ERBB4: variants seen among roughly 807,000 people sequenced by gnomAD.
ERBB4 encodes the protein receptor tyrosine-protein kinase erbB-4.
A neutral mutation model predicts 158.0 loss-of-function variants in ERBB4; 42 were observed. That is an observed-to-expected ratio of 0.27 (90% CI 0.21 to 0.34). ERBB4 has a LOEUF of 0.34. ERBB4 is among the 10% of genes least tolerant of loss of function. ERBB4 has a pLI of 1.00. For missense variants in ERBB4, 1,333 were observed against 1,624.1 expected (o/e 0.82, Z 3.08); for synonymous variants, 583 against 558.7 (o/e 1.04, Z -0.61).
intron 12 of ERBB4, among the ~76,000 whole-genome samples, chr2:211,682,888 A>G (rs2072410789): frequency 6.6e-6 from 1 of 151,898 alleles, no homozygotes; most frequent in African/African-American, 2.4e-5. Flanking sequence ...TAATTGAAAT[A>G]ATTAAGTTGA....
intron 2 of ERBB4, among the ~76,000 whole-genome samples, chr2:211,966,149 G>C (rs1453418077): frequency 2.0e-5 from 3 of 152,192 alleles, no homozygotes; most frequent in Non-Finnish European, 2.9e-5. Context: ...AAGAGATTAA[G>C]ACTGCAGTGA....
At chr2:212,280,640 A>G (rs2106147841) in intron 1 of ERBB4, among the ~76,000 whole-genome samples, 1 of 151,760 alleles carries the variant, frequency 6.6e-6, no homozygotes, top group African/African-American at 2.4e-5. Flanking sequence ...GAAGTAGGCA[A>G]CATTTTTTAT....
intron 20 of ERBB4, among the ~76,000 whole-genome samples, chr2:211,482,277 A>C (rs1185524013): frequency 6.6e-6 from 1 of 152,224 alleles, no homozygotes; most frequent in East Asian, 1.9e-4. Flanking sequence ...TGATTTTCAC[A>C]TAAGCCCTAA....
chr2:212,303,511 T>A, intron 1 of ERBB4, among the ~76,000 whole-genome samples: 1 of 151,602 alleles, frequency 6.6e-6, no homozygotes, highest in Non-Finnish European at 1.5e-5. Flanking sequence ...TGTTTAATAC[T>A]GCTTAAGCCC....
intron 12 of ERBB4, among the ~76,000 whole-genome samples, chr2:211,700,606 T>C (rs1268243200): frequency 1.3e-5 from 2 of 152,156 alleles, no homozygotes; most frequent in Non-Finnish European, 2.9e-5. Flanking sequence ...TGGAACAAGA[T>C]GGGGTCTTAA....
chr2:212,447,097 C>T lies in ERBB4; in HGVS notation c.82+91352G>A, dbSNP rs184414959. On this transcript the variant is annotated intron_variant, in intron 1 of 27. Transcript: ENST00000342788. Reference sequence around the variant, plus strand: ...CTGCAAGCTCCGCCTCCTAGGTTCACGCCATTCTCCTGCCTCAGCCTCCCA... The same window carrying T: ...CTGCAAGCTCCGCCTCCTAGGTTCATGCCATTCTCCTGCCTCAGCCTCCCA... Among the ~76,000 whole-genome samples, 243 of 151,576 alleles carry T rather than the reference C, an allele frequency of 1.6e-3. 9 individuals carry two copies. The East Asian group carries it at 0.043, about 27-fold the overall frequency.
chr2:211,964,815 T>C (rs1490596639), intron 2 of ERBB4, among the ~76,000 whole-genome samples: 1 of 152,186 alleles, frequency 6.6e-6, no homozygotes, highest in Admixed American at 6.6e-5. Flanking sequence ...CAAATAAATT[T>C]CTGCTACTGT....
chr2:211,423,702 CAGT>C (rs2063560159), intron 23 of ERBB4, among the ~76,000 whole-genome samples: 1 of 151,952 alleles, frequency 6.6e-6, no homozygotes, highest in Admixed American at 6.6e-5. Flanking sequence ...TGACTAAAAC[CAGT>C]AGACCTATTT....
intron 2 of ERBB4, among the ~76,000 whole-genome samples, chr2:211,967,531 A>G (rs1225892784): frequency 6.6e-6 from 1 of 152,080 alleles, no homozygotes; most frequent in Non-Finnish European, 1.5e-5. Flanking sequence ...AATTAGCAAC[A>G]TCTTAAAACT....
chr2:211,818,925 T>C (rs2076934145), intron 3 of ERBB4, among the ~76,000 whole-genome samples: 1 of 152,084 alleles, frequency 6.6e-6, no homozygotes, highest in Admixed American at 6.6e-5. Context: ...AAATGTCTGC[T>C]CTAAAATAAA....
chr2:211,560,525 C>CG (rs1195126900), intron 20 of ERBB4, among the ~76,000 whole-genome samples: 1 of 151,784 alleles, frequency 6.6e-6, no homozygotes, highest in East Asian at 1.9e-4. Flanking sequence ...CCACCTGCCT[C>CG]GGCCCCCCAA....
At chr2:211,406,141 T>C (rs2063142959) in intron 25 of ERBB4, among the ~76,000 whole-genome samples, 1 of 152,212 alleles carries the variant, frequency 6.6e-6, no homozygotes, top group African/African-American at 2.4e-5. Context: ...AAAACCCTTA[T>C]TTGCTCAAAT....
chr2:212,373,095 C>T (rs949858317), intron 1 of ERBB4, among the ~76,000 whole-genome samples: 5 of 152,158 alleles, frequency 3.3e-5, no homozygotes, highest in Non-Finnish European at 7.4e-5. Context: ...TTAATGACAA[C>T]ACTAAATACA....
At chr2:211,925,375 GCTTT>G (rs935876131) in intron 3 of ERBB4, among the ~76,000 whole-genome samples, 13 of 117,154 alleles carry the variant, frequency 1.1e-4, no homozygotes, top group South Asian at 5.1e-4. Flanking sequence ...AAACAAGACT[GCTTT>G]TTTTTTTTTT....
At chr2:211,418,868 T>G (rs1298234767) in intron 25 of ERBB4, among the ~76,000 whole-genome samples, 1 of 152,042 alleles carries the variant, frequency 6.6e-6, no homozygotes, top group Admixed American at 6.6e-5. Flanking sequence ...ATTGATCTAA[T>G]TTTTAAAACT....
intron 1 of ERBB4, among the ~76,000 whole-genome samples, chr2:212,269,799 G>A (rs887985100): frequency 6.6e-6 from 1 of 151,760 alleles, no homozygotes; most frequent in Admixed American, 6.6e-5. Flanking sequence ...AAGCCCAATT[G>A]AGTGTTCACT....
At chr2:211,931,436 T>G (rs2080172511) in intron 3 of ERBB4, among the ~76,000 whole-genome samples, 2 of 151,942 alleles carry the variant, frequency 1.3e-5, no homozygotes, top group African/African-American at 4.8e-5. Flanking sequence ...TGAACTTCAG[T>G]TCCCATGTGC....
At chr2:212,124,023 GT>G (rs2079841193) in intron 2 of ERBB4, among the ~76,000 whole-genome samples, 1 of 152,110 alleles carries the variant, frequency 6.6e-6, no homozygotes, top group South Asian at 2.1e-4. Context: ...ATCTCACTTT[GT>G]CAAAGGCCCC....
intron 2 of ERBB4, among the ~76,000 whole-genome samples, chr2:211,985,362 G>T (rs930665114): frequency 3.9e-5 from 6 of 152,062 alleles, no homozygotes; most frequent in African/African-American, 1.4e-4. Flanking sequence ...ATTTACTATC[G>T]AATCATTAGA....
Sources: gnomAD v4.1 joint callset for allele counts (sites outside exome capture counted in the v4.1 genomes callset) on GRCh38, gnomAD v4.1.1 for gene constraint, MANE v1.5 for transcripts, NCBI Gene and HGNC (gene_info 2026-07-23, HGNC 2026-07-21) for gene names.